The following MKLN1 variants were observed in gnomAD, a reference collection of about 807,000 sequenced individuals.
The protein encoded by MKLN1 is muskelin.
MKLN1 carries 18 observed loss-of-function variants against 99.0 expected under a neutral mutation model. The observed-to-expected ratio is 0.18, with a 90% CI of 0.13 to 0.27. MKLN1 has a LOEUF of 0.27. Among genes scored for constraint, MKLN1 ranks in the 10% least tolerant of loss-of-function variants. MKLN1 has a pLI of 1.00. For synonymous variants in MKLN1, 288 were observed against 293.2 expected (o/e 0.98, Z 0.18); for missense variants, 621 against 875.9 (o/e 0.71, Z 3.67).
intron 1 of MKLN1, among the ~76,000 whole-genome samples, chr7:131,348,326 A>G (rs1028760065): frequency 2.0e-5 from 3 of 152,216 alleles, no homozygotes; most frequent in Non-Finnish European, 4.4e-5. Flanking sequence ...TTGAAAGTCC[A>G]GCATACAACT....
At chr7:131,273,935 C>T (rs1797924144) in intron 3 of MKLN1, among the ~76,000 whole-genome samples, 1 of 152,156 alleles carries the variant, frequency 6.6e-6, no homozygotes, top group Admixed American at 6.5e-5. Context: ...TCTTGTTCAT[C>T]AATTCACTAC....
intron 2 of MKLN1, among the ~76,000 whole-genome samples, chr7:131,166,413 G>C (rs1029326563): frequency 6.6e-6 from 1 of 152,074 alleles, no homozygotes; most frequent in African/African-American, 2.4e-5. Flanking sequence ...ACCCTTCAAT[G>C]CCTTCTCATC....
chr7:131,373,545 A>G (rs1481885710), intron 1 of MKLN1, among the ~76,000 whole-genome samples: 7 of 152,106 alleles, frequency 4.6e-5, no homozygotes, highest in Non-Finnish European at 7.4e-5. Flanking sequence ...TTTGATAATA[A>G]GTCTCTTTAT....
intron 9 of MKLN1, among the ~76,000 whole-genome samples, chr7:131,436,760 GA>G: frequency 6.6e-6 from 1 of 152,102 alleles, no homozygotes; most frequent in Non-Finnish European, 1.5e-5. Context: ...TTTCCCCGAT[GA>G]ACCCTTTTGA....
chr7:131,334,236 G>C (rs1038141939), intron 1 of MKLN1, among the ~76,000 whole-genome samples: 2 of 152,150 alleles, frequency 1.3e-5, no homozygotes, highest in African/African-American at 4.8e-5. Context: ...CAGAATTTGT[G>C]AACCACTAGT....
chr7:131,110,548 C>T (rs1795177490), intron 1 of MKLN1, among the ~76,000 whole-genome samples: 1 of 152,112 alleles, frequency 6.6e-6, no homozygotes, highest in African/African-American at 2.4e-5. Flanking sequence ...CATCATATTC[C>T]CAGAGCCTTG....
chr7:131,487,733 A>G lies in MKLN1; in HGVS notation c.*5A>G. 1 of 1,609,988 alleles carries G rather than the reference A, an allele frequency of 6.2e-7. No homozygotes were observed. The highest frequency in any genetic ancestry group is 1.1e-5 in the South Asian group (1 of 90,388). On this transcript the variant is annotated 3_prime_UTR_variant, in exon 18 of 18. Coordinates refer to ENST00000352689, the MANE Select transcript of MKLN1 (RefSeq NM_013255.5). This position sits in a 1 kb window ranked among gnomAD's most constrained non-coding sequence, Gnocchi z 4.7. ...GTAGACCTCATCACACTGTAACTGA[A>G]GAGTCACTGGACACAGAAATGGAAA...
At chr7:131,123,674 G>T (rs1215533223) in intron 1 of MKLN1, among the ~76,000 whole-genome samples, 1 of 152,108 alleles carries the variant, frequency 6.6e-6, no homozygotes, top group African/African-American at 2.4e-5. Flanking sequence ...TGTAATCCCA[G>T]CTACTTGGGA....
At chr7:131,131,051 C>CAAAA (rs35397071) in intron 1 of MKLN1, among the ~76,000 whole-genome samples, 22 of 65,266 alleles carry the variant, frequency 3.4e-4, no homozygotes, top group South Asian at 2.0e-3. Context: ...GACCCTGTCT[C>CAAAA]AAAAAAAAAA....
intron 2 of MKLN1, among the ~76,000 whole-genome samples, chr7:131,159,734 C>T (rs1414133585): frequency 6.6e-6 from 1 of 151,864 alleles, no homozygotes; most frequent in Non-Finnish European, 1.5e-5. Flanking sequence ...TCACATGTAC[C>T]CCAACAATAT....
chr7:131,149,204 A>G (rs2116280504), intron 2 of MKLN1, among the ~76,000 whole-genome samples: 1 of 152,298 alleles, frequency 6.6e-6, no homozygotes, highest in Non-Finnish European at 1.5e-5. Flanking sequence ...TCTTGGCTTC[A>G]GTTCCTTGGA....
At position 131,387,112 on chromosome 7, in the gene MKLN1, T is replaced by G; in HGVS notation, c.169-8T>G. The G allele has an allele frequency of 1.9e-6, 3 of 1,582,398 alleles. No homozygotes were observed. Among genetic ancestry groups the G allele is most frequent in the Non-Finnish European group, 2.6e-6 (3 of 1,170,366 alleles). On this transcript the variant is annotated splice_polypyrimidine_tract_variant and splice_region_variant and intron_variant, in intron 2 of 17. Transcript: ENST00000352689. ...AAGAGGATATAATTTGGTCGTTTCT[T>G]TTTTTAGTACTTGATTCTAAAGCTC...
intron 1 of MKLN1, 148 bp from the exon 2 acceptor site, chr7:131,375,276 T>C (rs1793607334): frequency 3.5e-6 from 2 of 572,688 alleles, no homozygotes; most frequent in Non-Finnish European, 3.2e-6. Context: ...CTAGAAGCTT[T>C]CTGTGCTTTT....
At chr7:131,475,004 A>G (rs566070978) in intron 16 of MKLN1, among the ~76,000 whole-genome samples, 2 of 152,318 alleles carry the variant, frequency 1.3e-5, no homozygotes, top group East Asian at 1.9e-4. Flanking sequence ...AGATCTCATG[A>G]GAACTCACTA....
At chr7:131,475,629 T>A (rs369606801) in intron 16 of MKLN1, among the ~76,000 whole-genome samples, 1 of 152,068 alleles carries the variant, frequency 6.6e-6, no homozygotes, top group Non-Finnish European at 1.5e-5. Flanking sequence ...TTGGGCAACA[T>A]AGCAAAAACC....
At chr7:131,451,679 G>A (rs996183139) in intron 12 of MKLN1, among the ~76,000 whole-genome samples, 1 of 152,168 alleles carries the variant, frequency 6.6e-6, no homozygotes, top group Non-Finnish European at 1.5e-5. Flanking sequence ...GGATTTATTA[G>A]CATTGTGTCT....
At chr7:131,180,025 A>G (rs1796357042) in intron 2 of MKLN1, among the ~76,000 whole-genome samples, 1 of 152,128 alleles carries the variant, frequency 6.6e-6, no homozygotes, top group South Asian at 2.1e-4. Context: ...TTGAAGTGTT[A>G]GGATTACAGG....
chr7:131,312,286 GTGC>G (rs1363062492), intron 3 of MKLN1, among the ~76,000 whole-genome samples: 1 of 152,130 alleles, frequency 6.6e-6, no homozygotes, highest in Non-Finnish European at 1.5e-5. Flanking sequence ...CCCTTCCAAA[GTGC>G]TGGGATTACA....
At chr7:131,383,983 T>C (rs556749501) in intron 2 of MKLN1, among the ~76,000 whole-genome samples, 6 of 152,346 alleles carry the variant, frequency 3.9e-5, no homozygotes, top group Non-Finnish European at 8.8e-5. Context: ...TAGCTTTTTG[T>C]TGTGCTTAAT....
Sources: allele counts gnomAD v4.1 joint callset (sites outside exome capture counted in the v4.1 genomes callset), GRCh38; gene constraint gnomAD v4.1.1; non-coding constraint Gnocchi (gnomAD v3.1); transcripts MANE v1.5; gene names NCBI Gene and HGNC (gene_info 2026-07-23, HGNC 2026-07-21).